Variants in KCNAB1 observed in about 807,000 individuals in gnomAD.
KCNAB1 encodes potassium voltage-gated channel subfamily A regulatory beta subunit 1, also known as voltage-gated potassium channel subunit beta-1.
In KCNAB1, 35 loss-of-function variants were observed where a neutral mutation model predicts 64.6. The ratio of observed to expected loss-of-function variants is 0.54; its 90% CI spans 0.41 to 0.72. The LOEUF is 0.72. Among genes scored for constraint, KCNAB1 ranks in the 30% least tolerant of loss-of-function variants. The pLI is 0.00. For synonymous variants in KCNAB1, 177 were observed against 183.8 expected, an observed-to-expected ratio of 0.96 and a Z score of 0.30; for missense variants, 401 against 512.9, an observed-to-expected ratio of 0.78 and a Z score of 2.11.
intron 1 of KCNAB1, among the ~76,000 whole-genome samples, chr3:156,331,239 C>A (rs575573016): frequency 6.6e-6 from 1 of 152,332 alleles, no homozygotes; most frequent in South Asian, 2.1e-4. Flanking sequence ...CACCAGCGAT[C>A]ATGTAGATGT....
At chr3:156,377,509 A>G (rs961588636) in intron 1 of KCNAB1, among the ~76,000 whole-genome samples, 5 of 152,148 alleles carry the variant, frequency 3.3e-5, no homozygotes, top group Admixed American at 6.5e-5. Flanking sequence ...TTCAGAGGAG[A>G]GGGCACTGAG....
At chr3:156,466,874 C>A (rs1217639531) in intron 7 of KCNAB1, among the ~76,000 whole-genome samples, 1 of 152,014 alleles carries the variant, frequency 6.6e-6, no homozygotes, top group African/African-American at 2.4e-5. Context: ...TATTATCAAA[C>A]TTTACACTTA....
intron 1 of KCNAB1, among the ~76,000 whole-genome samples, chr3:156,150,664 G>T (rs1426155739): frequency 1.3e-5 from 2 of 152,150 alleles, no homozygotes; most frequent in Non-Finnish European, 2.9e-5. Flanking sequence ...GAGTGCCACT[G>T]GGATGTGCTA....
intron 1 of KCNAB1, among the ~76,000 whole-genome samples, chr3:156,287,598 G>A (rs542705812): frequency 2.2e-4 from 34 of 152,218 alleles, no homozygotes; most frequent in South Asian, 6.2e-4. Flanking sequence ...GTGGGAGGCC[G>A]AGGTGGGCAG....
In KCNAB1 at chr3:156,538,031, C is replaced by G. The variant is rs894081959; in HGVS notation, c.*1284C>G. Reference sequence around the variant, plus strand: ...GGCTTACCCTTGTTGCACTCGAAATCTGAGGTGTATCTAGCCCTGCCACTA... The same window carrying G: ...GGCTTACCCTTGTTGCACTCGAAATGTGAGGTGTATCTAGCCCTGCCACTA... On this transcript the variant is annotated 3_prime_UTR_variant, in exon 14 of 14. Transcript: ENST00000490337. The G allele has an allele frequency of 1.3e-5, 2 of 152,174 alleles. No homozygotes were observed. Among genetic ancestry groups the G allele is most frequent in the African/African-American group, 4.8e-5 (2 of 41,440 alleles). The allele number at this position is 152,174 out of a possible 1,614,324, so 9.4% of individuals were successfully genotyped here.
intron 1 of KCNAB1, among the ~76,000 whole-genome samples, chr3:156,244,575 T>A (rs1406108981): frequency 6.6e-6 from 1 of 152,204 alleles, no homozygotes; most frequent in Non-Finnish European, 1.5e-5. Flanking sequence ...TCTTCCAGAT[T>A]CCTACTTCCT....
rs1013939695 is a variant in KCNAB1, at chr3:156,507,945, AGTG to A, written c.659-6415_659-6413del. Among the ~76,000 whole-genome samples, 8 of 152,322 alleles carry A rather than the reference AGTG, an allele frequency of 5.3e-5. No individual in the cohort carries two copies. The East Asian group carries it at 1.5e-3, about 29-fold the overall frequency. ...AAATATATAATATGTTAGTGTCTAA[AGTG>A]GTGCCTTTGCTTGTTAGATAATCAT... On this transcript the variant is annotated intron_variant, in intron 8 of 13. Coordinates refer to ENST00000490337, the MANE Select transcript of KCNAB1 (RefSeq NM_172160.3).
At chr3:156,211,347 A>G (rs115348608) in intron 1 of KCNAB1, among the ~76,000 whole-genome samples, 2,609 of 152,356 alleles carry the variant, frequency 0.017, 48 homozygotes, top group South Asian at 0.03. Context: ...TTAAATAATT[A>G]TCTGCAATGG....
Position 156,296,512 on chromosome 3 carries a change from A to C in KCNAB1, c.276-125104A>C, listed in dbSNP as rs1394792539. 1.7e-4 allele frequency among the ~76,000 whole-genome samples: 20 copies of C among 116,116 alleles called. 1 individual carries two copies. In the South Asian group the frequency reaches 5.5e-3, roughly 32 times the overall value. 76.2% of individuals were successfully genotyped at this position (116,116 alleles called of 152,430 possible). A position where few individuals can be genotyped will look rare whatever the true frequency, so the allele number is the denominator to read the frequency against. ...TTTTTGAGATGGAGTCTCGCTCTGT[A>C]GCGCAGGCTGGAGGGCAGTGGCGCC... is the stretch of plus-strand genomic sequence containing the variant. On this transcript the variant is annotated intron_variant, in intron 1 of 13. Coordinates refer to ENST00000490337, the MANE Select transcript of KCNAB1 (RefSeq NM_172160.3).
intron 3 of KCNAB1, among the ~76,000 whole-genome samples, chr3:156,454,624 G>A (rs1712253949): frequency 6.6e-6 from 1 of 152,156 alleles, no homozygotes; most frequent in Non-Finnish European, 1.5e-5. Flanking sequence ...AGGGGTGTAT[G>A]GAGGAGGCAC....
At chr3:156,519,512 A>G (rs1208058332) in intron 11 of KCNAB1, among the ~76,000 whole-genome samples, 1 of 152,202 alleles carries the variant, frequency 6.6e-6, no homozygotes, top group South Asian at 2.1e-4. Context: ...ATAACTTTAC[A>G]AAACTGAGCT....
intron 1 of KCNAB1, among the ~76,000 whole-genome samples, chr3:156,143,969 A>G (rs967207840): frequency 6.6e-5 from 10 of 151,934 alleles, no homozygotes; most frequent in Non-Finnish European, 1.0e-4. Flanking sequence ...AAGATAAATT[A>G]CTGGTTGTAC....
At chr3:156,431,612 G>A (rs1241434598) in intron 2 of KCNAB1, among the ~76,000 whole-genome samples, 1 of 152,222 alleles carries the variant, frequency 6.6e-6, no homozygotes, top group Non-Finnish European at 1.5e-5. Context: ...GCTGAATGAA[G>A]AAGAAATAAA....
chr3:156,179,421 C>A (rs1207596837), intron 1 of KCNAB1, among the ~76,000 whole-genome samples: 1 of 111,558 alleles, frequency 9.0e-6, no homozygotes, highest in Non-Finnish European at 1.9e-5. Context: ...TTGGAACCCC[C>A]CCCCCCACCC....
intron 1 of KCNAB1, among the ~76,000 whole-genome samples, chr3:156,274,725 T>C (rs866595244): frequency 5.3e-5 from 8 of 152,252 alleles, no homozygotes; most frequent in Non-Finnish European, 1.0e-4. Context: ...TTTATCGTGG[T>C]ATAATTGACA....
intron 8 of KCNAB1, among the ~76,000 whole-genome samples, chr3:156,479,418 T>G (rs999936934): frequency 1.3e-5 from 2 of 151,976 alleles, no homozygotes; most frequent in Admixed American, 6.6e-5. Context: ...GTTTTTTGGG[T>G]TTTTTTGTTT....
Position 156,132,923 on chromosome 3 carries a change from T to C in KCNAB1, c.275+12037T>C, listed in dbSNP as rs534808103. The stretch of plus-strand genomic sequence containing the variant: ...TCTGAGTCACTATCCTCAGTCAAGG[T>C]ATATATACATTTTTGTGCAGAATTA... On this transcript the variant is annotated intron_variant, in intron 1 of 13. Transcript: ENST00000490337. Among the ~76,000 whole-genome samples the C allele has an allele frequency of 2.0e-5, 3 of 152,184 alleles. No individual in the cohort carries two copies. The South Asian group carries it at 6.2e-4, about 32-fold the overall frequency.
At chr3:156,393,673 T>C (rs1039032634) in intron 1 of KCNAB1, among the ~76,000 whole-genome samples, 3 of 152,350 alleles carry the variant, frequency 2.0e-5, no homozygotes, top group East Asian at 3.9e-4. Flanking sequence ...TAAATGCTTA[T>C]AAATTAAATA....
At chr3:156,238,145 C>T (rs1019259255) in intron 1 of KCNAB1, among the ~76,000 whole-genome samples, 1 of 152,124 alleles carries the variant, frequency 6.6e-6, no homozygotes, top group African/African-American at 2.4e-5. Context: ...GGTTGCCGGC[C>T]GGGCGTGGTG....
Sources: allele counts gnomAD v4.1 joint callset (sites outside exome capture counted in the v4.1 genomes callset), GRCh38; gene constraint gnomAD v4.1.1; transcripts MANE v1.5; gene names NCBI Gene and HGNC (gene_info 2026-07-23, HGNC 2026-07-21).